EPHA7: variants seen among roughly 807,000 people sequenced by gnomAD.
The protein encoded by EPHA7 is EPH receptor A7, also known as ephrin type-A receptor 7.
EPHA7 carries 25 observed loss-of-function variants against 112.6 expected under a neutral mutation model. That is an observed-to-expected ratio of 0.22 (90% CI 0.16 to 0.31). EPHA7 has a LOEUF of 0.31. Ranked by LOEUF, EPHA7 falls within the 10% of genes least tolerant of loss-of-function variation. The probability of loss-of-function intolerance (pLI) is 1.00; values close to 1 mark genes in which losing one functional copy is unlikely to be tolerated. For synonymous variants in EPHA7, 437 were observed against 406.5 expected (o/e 1.07, Z -0.90); for missense variants, 962 against 1,212.6 (o/e 0.79, Z 3.07).
At chr6:93,314,024 C>T (rs1019525749) in intron 5 of EPHA7, among the ~76,000 whole-genome samples, 6 of 151,994 alleles carry the variant, frequency 3.9e-5, no homozygotes, top group African/African-American at 7.2e-5. Context: ...TCTTTCTTCT[C>T]GTTTTCAATT....
chr6:93,358,474 T>G, intron 3 of EPHA7, 63 bp from the exon 4 acceptor site: 1 of 1,404,272 alleles, frequency 7.1e-7, no homozygotes, highest in Non-Finnish European at 9.6e-7. Context: ...AAAAAAAAAT[T>G]GTATTATTTA....
At chr6:93,343,886 C>G (rs1027816290) in intron 5 of EPHA7, among the ~76,000 whole-genome samples, 29 of 151,598 alleles carry the variant, frequency 1.9e-4, no homozygotes, top group Non-Finnish European at 2.5e-4. Flanking sequence ...ATATTAATAT[C>G]TGACATTTGT....
chr6:93,298,309 C>G (rs900402267), intron 5 of EPHA7, among the ~76,000 whole-genome samples: 4 of 151,956 alleles, frequency 2.6e-5, no homozygotes, highest in Non-Finnish European at 4.4e-5. Flanking sequence ...TAAATTTTAA[C>G]ATAAAATTTA....
chr6:93,389,676 A>T (rs75582341), intron 3 of EPHA7, among the ~76,000 whole-genome samples: 18,402 of 151,968 alleles, frequency 0.12, 1,174 homozygotes, highest in East Asian at 0.21. Flanking sequence ...TTTCAATCCT[A>T]AAAATTATGA....
chr6:93,367,759 T>A (rs1474318212), intron 3 of EPHA7, among the ~76,000 whole-genome samples: 1 of 152,136 alleles, frequency 6.6e-6, no homozygotes. Flanking sequence ...CTTATAAGAT[T>A]GTTATGAATT....
Position 93,400,417 on chromosome 6 carries a change from A to T in EPHA7, c.832+10084T>A, listed in dbSNP as rs550370893. On this transcript the variant is annotated intron_variant, in intron 3 of 16. Coordinates refer to ENST00000369303, the MANE Select transcript of EPHA7 (RefSeq NM_004440.4). ...GAATAAGCTTTTATTTTATCAAGCA[A>T]CTCCACATATACAAGTGTTTTTTAG... 2.6e-5 allele frequency among the ~76,000 whole-genome samples: 4 copies of T among 152,062 alleles called. No homozygotes were observed. The South Asian group carries it at 8.3e-4, about 32-fold the overall frequency.
chr6:93,245,228 T>A, intron 16 of EPHA7, 70 bp downstream of exon 16: 1 of 1,365,758 alleles, frequency 7.3e-7, no homozygotes, highest in Middle Eastern at 2.4e-4. Context: ...ATAAAGAAGA[T>A]AACCTAATGT....
intron 5 of EPHA7, among the ~76,000 whole-genome samples, chr6:93,341,872 T>A (rs17738694): frequency 0.018 from 2,756 of 151,960 alleles, 37 homozygotes; most frequent in Non-Finnish European, 0.03. Flanking sequence ...TGGAAGTATA[T>A]TTGTGATGCC....
chr6:93,414,827 A>G, intron 1 of EPHA7, 60 bp from the exon 2 acceptor site: 1 of 1,312,956 alleles, frequency 7.6e-7, no homozygotes, highest in East Asian at 2.3e-5. Flanking sequence ...ACATGTAGAC[A>G]TTTTTAAGGT....
At chr6:93,333,461 A>T (rs112158627) in intron 5 of EPHA7, among the ~76,000 whole-genome samples, 7,580 of 151,996 alleles carry the variant, frequency 0.05, 230 homozygotes, top group African/African-American at 0.08. Context: ...TGAAATCACC[A>T]CACTGCTTTC....
At chr6:93,305,994 T>A (rs1266741729) in intron 5 of EPHA7, among the ~76,000 whole-genome samples, 2 of 151,908 alleles carry the variant, frequency 1.3e-5, no homozygotes, top group Non-Finnish European at 2.9e-5. Context: ...GAATATAATT[T>A]ATTTTGGTCT....
At chr6:93,248,411 C>T (rs1770054560) in intron 14 of EPHA7, among the ~76,000 whole-genome samples, 1 of 151,874 alleles carries the variant, frequency 6.6e-6, no homozygotes, top group African/African-American at 2.4e-5. Context: ...AATAGATGGA[C>T]TTAGTTATAG....
chr6:93,322,055 GT>G (rs1449705170), intron 5 of EPHA7, among the ~76,000 whole-genome samples: 1 of 151,696 alleles, frequency 6.6e-6, no homozygotes, highest in African/African-American at 2.4e-5. Context: ...AATAATGAAT[GT>G]AAAAAACAAT....
chr6:93,310,636 C>A lies in EPHA7; in HGVS notation c.1325-38214G>T, dbSNP rs114697177. ...CAGAGATCACACCACTGCATTCCAGCCTATGACACAGCGAGACTCCGTCTC... is the reference window on the plus strand; with the variant it reads ...CAGAGATCACACCACTGCATTCCAGACTATGACACAGCGAGACTCCGTCTC... On this transcript the variant is annotated intron_variant, in intron 5 of 16. Coordinates refer to ENST00000369303, the MANE Select transcript of EPHA7 (RefSeq NM_004440.4). Among the ~76,000 whole-genome samples the A allele has an allele frequency of 6.0e-3, 903 of 151,606 alleles. 11 individuals are homozygous for A. Among genetic ancestry groups the A allele is most frequent in the African/African-American group, 0.021 (862 of 41,284 alleles).
At chr6:93,336,190 A>G (rs1056955231) in intron 5 of EPHA7, among the ~76,000 whole-genome samples, 5 of 152,192 alleles carry the variant, frequency 3.3e-5, no homozygotes, top group African/African-American at 1.2e-4. Flanking sequence ...TAATCATCAC[A>G]TAACTTATAT....
chr6:93,376,522 T>C (rs1777067057), intron 3 of EPHA7, among the ~76,000 whole-genome samples: 1 of 152,178 alleles, frequency 6.6e-6, no homozygotes, highest in Non-Finnish European at 1.5e-5. Flanking sequence ...CTGATCATCA[T>C]GATATATGAG....
At chr6:93,365,645 A>G (rs1776469861) in intron 3 of EPHA7, among the ~76,000 whole-genome samples, 1 of 152,198 alleles carries the variant, frequency 6.6e-6, no homozygotes, top group South Asian at 2.1e-4. Context: ...TTTCACGTTG[A>G]GAATGAACAG....
At position 93,246,917 on chromosome 6, in the gene EPHA7, C is replaced by G. The variant is rs1254132234; in HGVS notation, c.2601G>C (p.Gln867His). Reference sequence around the variant, plus strand: ...CCTTTTGCCAACAATCCAACATTAGCTGGTGAAGGCCAGCTGGGCAGTCCA... The same window carrying G: ...CCTTTTGCCAACAATCCAACATTAGGTGGTGAAGGCCAGCTGGGCAGTCCA... ...APMDCPAGLH[Q>H]LMLDCWQKER... Residue 867 changes from glutamine (Q) to histidine (H), a missense_variant, in exon 15 of 17, where the codon CAG becomes CAC. Physicochemically the swap from Gln to His is conservative, Grantham distance 24. Coordinates refer to ENST00000369303, the MANE Select transcript of EPHA7 (RefSeq NM_004440.4). 6.2e-7 allele frequency: 1 copy of G among 1,613,732 alleles called. No individual in the cohort carries two copies.
At chr6:93,379,132 A>G (rs1777209368) in intron 3 of EPHA7, among the ~76,000 whole-genome samples, 1 of 152,148 alleles carries the variant, frequency 6.6e-6, no homozygotes, top group South Asian at 2.1e-4. Context: ...TATGTTACAC[A>G]TGGGATAGTT....
Sources: gnomAD v4.1 joint callset for allele counts (sites outside exome capture counted in the v4.1 genomes callset) on GRCh38, gnomAD v4.1.1 for gene constraint, MANE v1.5 for transcripts, NCBI Gene and HGNC (gene_info 2026-07-23, HGNC 2026-07-21) for gene names.